The following PIK3C2G variants were observed in gnomAD, a reference collection of about 807,000 sequenced individuals.
PIK3C2G encodes phosphatidylinositol-4-phosphate 3-kinase catalytic subunit type 2 gamma.
In PIK3C2G, 168 loss-of-function variants were observed where a neutral mutation model predicts 181.1. The ratio of observed to expected loss-of-function variants is 0.93; its 90% CI spans 0.82 to 1.05. The LOEUF (loss-of-function observed/expected upper bound fraction) is 1.05, where lower values mean the gene tolerates loss of function less well. PIK3C2G is among the 50% of genes least tolerant of loss of function. The pLI, the probability that PIK3C2G is intolerant of heterozygous loss-of-function variation, is 0.00. For missense variants in PIK3C2G, 1,869 were observed against 1,732.8 expected (o/e 1.08, Z -1.40); for synonymous variants, 573 against 592.2 (o/e 0.97, Z 0.47).
chr12:18,630,060 A>G (rs919457958), intron 31 of PIK3C2G, among the ~76,000 whole-genome samples: 2 of 152,114 alleles, frequency 1.3e-5, no homozygotes, highest in Non-Finnish European at 2.9e-5. Flanking sequence ...TAAGGAAAGG[A>G]TTTGCTATAA....
At chr12:18,528,233 G>A (rs1250030936) in intron 24 of PIK3C2G, among the ~76,000 whole-genome samples, 1 of 152,140 alleles carries the variant, frequency 6.6e-6, no homozygotes, top group African/African-American at 2.4e-5. Context: ...ACAGCAAAAT[G>A]TGCTCTCTGA....
intron 18 of PIK3C2G, among the ~76,000 whole-genome samples, chr12:18,473,616 A>C (rs926433089): frequency 1.3e-5 from 2 of 152,196 alleles, no homozygotes; most frequent in African/African-American, 4.8e-5. Context: ...ACTAAGAAAA[A>C]TGCTCAGCTA....
upstream of PIK3C2G, among the ~76,000 whole-genome samples, chr12:18,243,773 C>T (rs1948009880): frequency 6.6e-6 from 1 of 151,916 alleles, no homozygotes; most frequent in Non-Finnish European, 1.5e-5. Context: ...CTAAATGTGA[C>T]ACCCAGCTTC....
chr12:18,376,982 T>C (rs1942490569), intron 13 of PIK3C2G, among the ~76,000 whole-genome samples: 1 of 152,158 alleles, frequency 6.6e-6, no homozygotes, highest in Non-Finnish European at 1.5e-5. Context: ...TTATTCAATC[T>C]CAGGAATTTC....
intron 1 of PIK3C2G, among the ~76,000 whole-genome samples, chr12:18,256,409 G>T (rs1948146920): frequency 6.6e-6 from 1 of 152,042 alleles, no homozygotes; most frequent in South Asian, 2.1e-4. Flanking sequence ...AGCACATTCT[G>T]CTCTCCTTCG....
At position 18,648,407 on chromosome 12, in the gene PIK3C2G, A is replaced by G. The variant is rs1035583832; in HGVS notation, c.*379A>G. On this transcript the variant is annotated 3_prime_UTR_variant, in exon 33 of 33. Coordinates refer to ENST00000538779, the MANE Select transcript of PIK3C2G (RefSeq NM_001288772.2). ...AAAGACAATCAAATAAACCTCATCA[A>G]TTAATTCAAGATCTAGGTATATCTG... is the stretch of plus-strand genomic sequence containing the variant. 13 of 214,754 alleles carry G rather than the reference A, an allele frequency of 6.1e-5. No homozygotes were observed. The highest frequency in any genetic ancestry group is 2.7e-4 in the African/African-American group (12 of 44,406). The allele number at this position is 214,754 out of a possible 1,614,324, so 13.3% of individuals were successfully genotyped here. A position where few individuals can be genotyped will look rare whatever the true frequency, so the allele number is the denominator to read the frequency against.
intron 18 of PIK3C2G, among the ~76,000 whole-genome samples, chr12:18,446,680 C>T (rs10770362): frequency 0.44 from 66,403 of 151,004 alleles, 14,905 homozygotes; most frequent in East Asian, 0.63. Flanking sequence ...CTATAATTAA[C>T]ATAGGAATGA....
rs1387412655 is a variant in PIK3C2G, at chr12:18,460,630, A to ATATATATATATG, written c.2505-27808_2505-27807insGTATATATATAT. On this transcript the variant is annotated intron_variant, in intron 18 of 32. Coordinates refer to ENST00000538779, the MANE Select transcript of PIK3C2G (RefSeq NM_001288772.2). ...AAAGATTGACATCATATTCATATAT[A>ATATATATATATG]TATATATATATATATATAGCACTTA... 2.1e-5 allele frequency among the ~76,000 whole-genome samples: 3 copies of ATATATATATATG among 145,368 alleles called. 1 individual carries two copies. Among genetic ancestry groups the ATATATATATATG allele is most frequent in the African/African-American group, 2.6e-5 (1 of 37,736 alleles).
intron 26 of PIK3C2G, among the ~76,000 whole-genome samples, chr12:18,557,604 C>T (rs1275664429): frequency 1.3e-5 from 2 of 152,136 alleles, no homozygotes; most frequent in Non-Finnish European, 2.9e-5. Context: ...GCTATCACCA[C>T]TTCCATTTAA....
In PIK3C2G at chr12:18,490,202, G is replaced by A. The variant is rs116020608; in HGVS notation, c.2686-1249G>A. Among the ~76,000 whole-genome samples, 1,052 of 152,152 alleles carry A rather than the reference G, an allele frequency of 6.9e-3. 13 individuals carry two copies. Among genetic ancestry groups the A allele is most frequent in the African/African-American group, 0.025 (1,021 of 41,514 alleles). On this transcript the variant is annotated intron_variant, in intron 19 of 32. Coordinates refer to ENST00000538779, the MANE Select transcript of PIK3C2G (RefSeq NM_001288772.2). ...CAAATCCAAGTATAGATGAGGCAAAGGAGAACAACACACACAGAGGGCTGT... is the reference window on the plus strand; with the variant it reads ...CAAATCCAAGTATAGATGAGGCAAAAGAGAACAACACACACAGAGGGCTGT...
intron 30 of PIK3C2G, among the ~76,000 whole-genome samples, chr12:18,599,025 T>C (rs1353640462): frequency 6.6e-6 from 1 of 150,784 alleles, no homozygotes; most frequent in Non-Finnish European, 1.5e-5. Flanking sequence ...TGTGGAGAAA[T>C]AGGAACACTT....
chr12:18,405,593 T>G (rs1018272397), intron 16 of PIK3C2G, among the ~76,000 whole-genome samples: 1 of 151,748 alleles, frequency 6.6e-6, no homozygotes, highest in African/African-American at 2.4e-5. Flanking sequence ...GACCAAAAGG[T>G]TGCAGGAGAT....
Position 18,290,896 on chromosome 12 carries a change from C to G in PIK3C2G, c.803C>G (p.Ser268Cys). 6.2e-7 allele frequency: 1 copy of G among 1,601,628 alleles called. No homozygotes were observed. Among genetic ancestry groups the G allele is most frequent in the Non-Finnish European group, 8.6e-7 (1 of 1,169,124 alleles). Residue 268 changes from serine to cysteine, a missense_variant, in exon 4 of 33, where the codon TCT (serine) becomes TGT (cysteine). Transcript: ENST00000538779. ...RYHAADVNFN[S>C]GKIWSTTTAF... ...CATGCAGCTGATGTTAATTTCAATT[C>G]TGGGAAGATCTGGAGCACTACTACA...
At chr12:18,562,579 A>G in intron 26 of PIK3C2G, 124 bp from the exon 27 acceptor site, 1 of 604,812 alleles carries the variant, frequency 1.7e-6, no homozygotes, top group Non-Finnish European at 2.9e-6. Flanking sequence ...TTGGGCTCCA[A>G]ATAAACATAC....
intron 11 of PIK3C2G, 42 bp downstream of exon 11, chr12:18,346,878 A>G: frequency 7.5e-7 from 1 of 1,335,744 alleles, no homozygotes; most frequent in Non-Finnish European, 1.0e-6. Context: ...TCATTTTTAC[A>G]TAGCTTCTAA....
intron 29 of PIK3C2G, among the ~76,000 whole-genome samples, chr12:18,580,437 C>T (rs1451863934): frequency 3.3e-5 from 5 of 152,110 alleles, no homozygotes; most frequent in Non-Finnish European, 7.4e-5. Context: ...CTATCTTAAT[C>T]GTGAGCATAT....
chr12:18,301,727 T>C (rs1188686494), intron 5 of PIK3C2G, among the ~76,000 whole-genome samples: 1 of 152,160 alleles, frequency 6.6e-6, no homozygotes, highest in African/African-American at 2.4e-5. Flanking sequence ...TGGAATGAAA[T>C]TCGTGGCTGG....
chr12:18,291,638 T>G (rs1164789822), intron 4 of PIK3C2G, among the ~76,000 whole-genome samples: 1 of 152,188 alleles, frequency 6.6e-6, no homozygotes, highest in Non-Finnish European at 1.5e-5. Flanking sequence ...CAAAACAGTA[T>G]TAGCTCTTTA....
intron 9 of PIK3C2G, among the ~76,000 whole-genome samples, chr12:18,339,489 C>T (rs1276149963): frequency 6.6e-6 from 1 of 152,116 alleles, no homozygotes; most frequent in African/African-American, 2.4e-5. Flanking sequence ...CCTCTACACA[C>T]ATTACAGTGT....
Sources: gnomAD v4.1 joint callset for allele counts (sites outside exome capture counted in the v4.1 genomes callset) on GRCh38, gnomAD v4.1.1 for gene constraint, MANE v1.5 for transcripts, NCBI Gene and HGNC (gene_info 2026-07-23, HGNC 2026-07-21) for gene names.